The following LYPD6B variants were observed in gnomAD, a reference collection of about 807,000 sequenced individuals.
The protein encoded by LYPD6B is LY6/PLAUR domain containing 6B.
A neutral mutation model predicts 22.8 loss-of-function variants in LYPD6B; 17 were observed. The ratio of observed to expected loss-of-function variants is 0.75; its 90% CI spans 0.51 to 1.12. The LOEUF is 1.12. LYPD6B is among the 50% of genes most tolerant of loss of function. The pLI is 0.00. For synonymous variants in LYPD6B, 106 were observed against 91.6 expected (o/e 1.16, Z -0.90); for missense variants, 221 against 258.3 (o/e 0.86, Z 0.99).
intron 2 of LYPD6B, among the ~76,000 whole-genome samples, chr2:149,150,173 A>G (rs1285578216): frequency 6.6e-6 from 1 of 152,222 alleles, no homozygotes; most frequent in Non-Finnish European, 1.5e-5. Flanking sequence ...TGCTATAAGC[A>G]GCTTGGAGCC....
At chr2:149,175,051 CTCTCTCTCTCTG>C (rs1405680936) in intron 3 of LYPD6B, among the ~76,000 whole-genome samples, 2 of 134,650 alleles carry the variant, frequency 1.5e-5, no homozygotes, top group African/African-American at 2.7e-5. Context: ...CTCTCTCTCT[CTCTCTCTCTCTG>C]TGTGTGTGTG....
intron 1 of LYPD6B, among the ~76,000 whole-genome samples, chr2:149,120,492 C>T (rs867860467): frequency 4.8e-5 from 7 of 145,662 alleles, no homozygotes; most frequent in African/African-American, 1.8e-4. Flanking sequence ...ATGCCATTCT[C>T]CTGCCTCAGC....
chr2:149,198,540 T>A (rs900295622), intron 3 of LYPD6B, among the ~76,000 whole-genome samples: 1 of 152,208 alleles, frequency 6.6e-6, no homozygotes, highest in Non-Finnish European at 1.5e-5. Context: ...AGACTGTTTC[T>A]CCACCCAAAT....
intron 1 of LYPD6B, among the ~76,000 whole-genome samples, chr2:149,111,650 C>T (rs1035430029): frequency 6.6e-6 from 1 of 152,134 alleles, no homozygotes; most frequent in African/African-American, 2.4e-5. Flanking sequence ...TGGACACACA[C>T]ATCTGAAGTT....
At chr2:149,141,811 T>A (rs997801384) in intron 2 of LYPD6B, among the ~76,000 whole-genome samples, 1 of 152,180 alleles carries the variant, frequency 6.6e-6, no homozygotes, top group Non-Finnish European at 1.5e-5. Flanking sequence ...GAAATCAAGG[T>A]GTCAGCAAGG....
intron 1 of LYPD6B, among the ~76,000 whole-genome samples, chr2:149,096,421 A>G (rs1407856602): frequency 6.6e-6 from 1 of 152,198 alleles, no homozygotes; most frequent in Non-Finnish European, 1.5e-5. Context: ...AATGTTAGTT[A>G]TTGAATAGAA....
At chr2:149,064,718 C>A (rs1684244885) in intron 1 of LYPD6B, among the ~76,000 whole-genome samples, 1 of 152,202 alleles carries the variant, frequency 6.6e-6, no homozygotes, top group Non-Finnish European at 1.5e-5. Context: ...GAAATGACAG[C>A]ACTGGGAATA....
At chr2:149,210,688 C>T (rs190136894) in intron 5 of LYPD6B, among the ~76,000 whole-genome samples, 38 of 152,298 alleles carry the variant, frequency 2.5e-4, no homozygotes, top group Non-Finnish European at 3.8e-4. Context: ...TTATTTACCC[C>T]GGCTTTTATG....
At chr2:149,061,568 G>C (rs1684083402) in intron 1 of LYPD6B, among the ~76,000 whole-genome samples, 1 of 152,088 alleles carries the variant, frequency 6.6e-6, no homozygotes, top group South Asian at 2.1e-4. Flanking sequence ...AGCCCAGTTA[G>C]TATTTATTGG....
intron 2 of LYPD6B, among the ~76,000 whole-genome samples, chr2:149,139,789 A>G (rs986485190): frequency 5.3e-5 from 8 of 152,214 alleles, no homozygotes; most frequent in Non-Finnish European, 1.2e-4. Flanking sequence ...AGAGAAGAGA[A>G]GGCAGAGAGA....
Position 149,143,222 on chromosome 2 carries a change from A to T in LYPD6B, c.5+12269A>T, listed in dbSNP as rs1041918384. 5.3e-5 allele frequency among the ~76,000 whole-genome samples: 8 copies of T among 152,212 alleles called. No individual in the cohort carries two copies. In the South Asian group the frequency reaches 1.4e-3, roughly 28 times the overall value. ...TCCATTTATTTCCCAGCAAAGTTTA[A>T]CTTAATTGGCAGCTTTCTATTTGTA... On this transcript the variant is annotated intron_variant, in intron 2 of 6. Transcript: ENST00000409642.
At chr2:149,128,834 C>T (rs1258088867) in intron 1 of LYPD6B, among the ~76,000 whole-genome samples, 4 of 152,134 alleles carry the variant, frequency 2.6e-5, no homozygotes. Flanking sequence ...AACATATCAC[C>T]TACTTTTTCT....
At chr2:149,174,975 T>C (rs1050053448) in intron 3 of LYPD6B, among the ~76,000 whole-genome samples, 3 of 150,540 alleles carry the variant, frequency 2.0e-5, no homozygotes, top group Non-Finnish European at 4.4e-5. Context: ...TATAGTCTAG[T>C]GAAGGGAAGA....
At chr2:149,210,267 G>A (rs1459122868) in intron 5 of LYPD6B, among the ~76,000 whole-genome samples, 1 of 152,108 alleles carries the variant, frequency 6.6e-6, no homozygotes, top group East Asian at 1.9e-4. Context: ...AAACATGGCT[G>A]AACCAAAGGA....
At chr2:149,113,293 T>TC (rs2105547336) in intron 1 of LYPD6B, among the ~76,000 whole-genome samples, 1 of 152,208 alleles carries the variant, frequency 6.6e-6, no homozygotes, top group South Asian at 2.1e-4. Flanking sequence ...AAGTATGTGA[T>TC]CCCCCTACTT....
intron 2 of LYPD6B, among the ~76,000 whole-genome samples, chr2:149,154,304 T>C (rs1051429469): frequency 6.6e-6 from 1 of 151,672 alleles, no homozygotes. Flanking sequence ...AAGGCAGAGA[T>C]TGGAGTTATG....
At chr2:149,176,848 C>G (rs1234146751) in intron 3 of LYPD6B, among the ~76,000 whole-genome samples, 1 of 152,138 alleles carries the variant, frequency 6.6e-6, no homozygotes, top group African/African-American at 2.4e-5. Flanking sequence ...AGAATGCATA[C>G]CTGACAAACT....
chr2:149,172,963 A>G (rs538193466), intron 3 of LYPD6B, among the ~76,000 whole-genome samples: 4 of 147,964 alleles, frequency 2.7e-5, no homozygotes, highest in African/African-American at 9.9e-5. Flanking sequence ...ATCATAAGCC[A>G]ATACCTTTTA....
At chr2:149,039,550 C>T (rs1365132809) in intron 1 of LYPD6B, among the ~76,000 whole-genome samples, 1 of 152,198 alleles carries the variant, frequency 6.6e-6, no homozygotes, top group Non-Finnish European at 1.5e-5. Context: ...TGACCTTGGG[C>T]AAGTTACTGA....
Sources: gnomAD v4.1 joint callset for allele counts (sites outside exome capture counted in the v4.1 genomes callset) on GRCh38, gnomAD v4.1.1 for gene constraint, MANE v1.5 for transcripts, NCBI Gene and HGNC (gene_info 2026-07-23, HGNC 2026-07-21) for gene names.